The following CMSS1 variants were observed in gnomAD, a reference collection of about 807,000 sequenced individuals.
The protein encoded by CMSS1 is protein CMSS1.
In CMSS1, 33 loss-of-function variants were observed where a neutral mutation model predicts 43.5. The observed-to-expected ratio is 0.76, with a 90% CI of 0.57 to 1.01. The LOEUF is 1.01. Ranked by LOEUF, CMSS1 falls within the 50% of genes least tolerant of loss-of-function variation. The pLI, the probability that CMSS1 is intolerant of heterozygous loss-of-function variation, is 0.00. For synonymous variants in CMSS1, 115 were observed against 117.2 expected, an observed-to-expected ratio of 0.98 and a Z score of 0.12; for missense variants, 313 against 326.4, an observed-to-expected ratio of 0.96 and a Z score of 0.32.
intron 1 of CMSS1, among the ~76,000 whole-genome samples, chr3:99,919,043 TA>T (rs774839074): frequency 6.6e-6 from 1 of 152,222 alleles, no homozygotes; most frequent in African/African-American, 2.4e-5. Context: ...GCTTTCAAAA[TA>T]TTTTTTTTAA....
intron 1 of CMSS1, among the ~76,000 whole-genome samples, chr3:99,912,368 G>A (rs1214649095): frequency 1.3e-5 from 2 of 152,022 alleles, no homozygotes; most frequent in African/African-American, 4.8e-5. Context: ...GCACAGGGCT[G>A]CTGCTTCTTT....
chr3:100,167,942 C>CA (rs1319263983), intron 6 of CMSS1, 102 bp downstream of exon 6: 1 of 712,766 alleles, frequency 1.4e-6, no homozygotes, highest in East Asian at 2.6e-5. Flanking sequence ...ATAAACAAAA[C>CA]AGAGTCCCTG....
chr3:100,174,118 T>C (rs2067130617), intron 8 of CMSS1, among the ~76,000 whole-genome samples: 3 of 152,184 alleles, frequency 2.0e-5, no homozygotes, highest in Admixed American at 6.5e-5. Flanking sequence ...GGAAAGTCCT[T>C]GAACAGTAAG....
intron 1 of CMSS1, among the ~76,000 whole-genome samples, chr3:100,008,868 T>C (rs1710064441): frequency 6.6e-6 from 1 of 152,214 alleles, no homozygotes; most frequent in Admixed American, 6.5e-5. Flanking sequence ...ATTTTATTCC[T>C]GGGCATGGGT....
intron 1 of CMSS1, among the ~76,000 whole-genome samples, chr3:99,863,998 T>C (rs1442436655): frequency 1.3e-5 from 2 of 152,196 alleles, no homozygotes; most frequent in African/African-American, 2.4e-5. Flanking sequence ...AAAATAAACA[T>C]GGTTGCTAAA....
rs142277896 is a variant in CMSS1, at chr3:100,042,899, A to G, written c.65-104074A>G. On this transcript the variant is annotated intron_variant, in intron 1 of 9. Coordinates refer to ENST00000421999, the MANE Select transcript of CMSS1 (RefSeq NM_032359.4). ...GAGCCAAAGTTCCCAGACCTTGACA[A>G]CTAGGGCAAATGTAACAAGTCCACA... Among the ~76,000 whole-genome samples, 688 of 152,370 alleles carry G rather than the reference A, an allele frequency of 4.5e-3. 7 individuals carry two copies. Among genetic ancestry groups the G allele is most frequent in the African/African-American group, 0.016 (674 of 41,586 alleles).
In CMSS1 at chr3:99,839,007, G is replaced by C. The variant is rs185862757; in HGVS notation, c.64+20964G>C. On this transcript the variant is annotated intron_variant, in intron 1 of 9. Coordinates refer to ENST00000421999, the MANE Select transcript of CMSS1 (RefSeq NM_032359.4). Reference sequence around the variant, plus strand: ...CTTCATCCACATTGCACTGCTCACTGTTCCTTGAATGTTGATTATCTGCCC... The same window carrying C: ...CTTCATCCACATTGCACTGCTCACTCTTCCTTGAATGTTGATTATCTGCCC... 4.8e-4 allele frequency among the ~76,000 whole-genome samples: 73 copies of C among 152,174 alleles called. 2 individuals carry two copies. In the East Asian group the frequency reaches 0.013, roughly 28 times the overall value.
intron 1 of CMSS1, among the ~76,000 whole-genome samples, chr3:100,144,114 T>A (rs1365850115): frequency 6.6e-6 from 1 of 152,212 alleles, no homozygotes. Flanking sequence ...TTTTTTCTTT[T>A]GTTTGATCAC....
chr3:100,013,752 A>G (rs900881011), intron 1 of CMSS1, among the ~76,000 whole-genome samples: 6 of 152,196 alleles, frequency 3.9e-5, no homozygotes, highest in African/African-American at 1.4e-4. Flanking sequence ...TGTTTGATGT[A>G]TGTATACCTT....
intron 1 of CMSS1, among the ~76,000 whole-genome samples, chr3:99,969,805 T>G (rs1216082234): frequency 6.6e-6 from 1 of 152,162 alleles, no homozygotes; most frequent in Non-Finnish European, 1.5e-5. Context: ...TTGGATGGCT[T>G]GTCTAGATGG....
intron 1 of CMSS1, among the ~76,000 whole-genome samples, chr3:99,824,000 G>A (rs552516896): frequency 4.7e-5 from 7 of 150,002 alleles, no homozygotes; most frequent in Non-Finnish European, 1.0e-4. Flanking sequence ...TCAGCTCACT[G>A]CATCCTCCAC....
At chr3:100,021,530 A>G (rs1419949280) in intron 1 of CMSS1, among the ~76,000 whole-genome samples, 1 of 152,206 alleles carries the variant, frequency 6.6e-6, no homozygotes, top group African/African-American at 2.4e-5. Flanking sequence ...AGTGCCAGAA[A>G]GAACAGAGTC....
At chr3:100,051,947 T>G (rs1016285502) in intron 1 of CMSS1, among the ~76,000 whole-genome samples, 1 of 149,202 alleles carries the variant, frequency 6.7e-6, no homozygotes, top group Non-Finnish European at 1.5e-5. Context: ...TGAAGTATAT[T>G]ATATAAAATA....
Position 100,181,140 on chromosome 3 carries a change from C to A in CMSS1, c.*2752C>A, listed in dbSNP as rs1284477062. ...CTAATCACCTCCCACCAGATCCCTC[C>A]CCCAACACTGGGAATTACAATTCGA... is the stretch of plus-strand genomic sequence containing the variant. On this transcript the variant is annotated 3_prime_UTR_variant, in exon 10 of 10. Transcript: ENST00000421999. The A allele has an allele frequency of 6.6e-6, 1 of 152,194 alleles. No homozygotes were observed. Among genetic ancestry groups the A allele is most frequent in the African/African-American group, 2.4e-5 (1 of 41,434 alleles). 9.4% of individuals were successfully genotyped at this position (152,194 alleles called of 1,614,324 possible).
chr3:99,825,922 T>C (rs1416311736), intron 1 of CMSS1, among the ~76,000 whole-genome samples: 13 of 151,638 alleles, frequency 8.6e-5, no homozygotes, highest in Non-Finnish European at 1.6e-4. Flanking sequence ...GGACTACAGG[T>C]GCATGCCACC....
chr3:100,010,209 T>C (rs559759392), intron 1 of CMSS1: 2 of 762,262 alleles, frequency 2.6e-6, no homozygotes. Context: ...TATCAAATGA[T>C]GTAAACTGTC....
intron 1 of CMSS1, among the ~76,000 whole-genome samples, chr3:99,889,546 CT>C (rs2107612664): frequency 6.6e-6 from 1 of 152,066 alleles, no homozygotes; most frequent in East Asian, 1.9e-4. Context: ...CAATTTTTAT[CT>C]TTTAGCAGGA....
At chr3:100,086,382 A>T (rs2066008409) in intron 1 of CMSS1, among the ~76,000 whole-genome samples, 1 of 152,158 alleles carries the variant, frequency 6.6e-6, no homozygotes, top group Non-Finnish European at 1.5e-5. Flanking sequence ...AATGTCTTGG[A>T]ATCAGCTGAC....
At chr3:100,122,239 G>C (rs1185912412) in intron 1 of CMSS1, among the ~76,000 whole-genome samples, 2 of 152,224 alleles carry the variant, frequency 1.3e-5, no homozygotes, top group Non-Finnish European at 2.9e-5. Flanking sequence ...GGCTTCCAGA[G>C]AGCATCCCTA....
Sources: allele counts gnomAD v4.1 joint callset (sites outside exome capture counted in the v4.1 genomes callset), GRCh38; gene constraint gnomAD v4.1.1; transcripts MANE v1.5; gene names NCBI Gene and HGNC (gene_info 2026-07-23, HGNC 2026-07-21).